The following PEPD variants were observed in gnomAD, a reference collection of about 807,000 sequenced individuals.
PEPD encodes xaa-Pro dipeptidase.
Under a neutral mutation model 60.7 loss-of-function variants are expected in PEPD, and 53 were observed. That is an observed-to-expected ratio of 0.87 (90% CI 0.70 to 1.10). The LOEUF (loss-of-function observed/expected upper bound fraction) is 1.10, where lower values mean the gene tolerates loss of function less well. Ranked by LOEUF, PEPD falls within the 50% of genes least tolerant of loss-of-function variation. PEPD has a pLI of 0.00. For synonymous variants in PEPD, 267 were observed against 284.1 expected, an observed-to-expected ratio of 0.94 and a Z score of 0.60; for missense variants, 711 against 711.9, an observed-to-expected ratio of 1.00 and a Z score of 0.01.
intron 6 of PEPD, among the ~76,000 whole-genome samples, chr19:33,483,954 T>C (rs191184786): frequency 6.6e-6 from 1 of 152,216 alleles, no homozygotes; most frequent in East Asian, 1.9e-4. Flanking sequence ...GTTAATGGTG[T>C]TGAAAACACC....
chr19:33,508,308 G>T (rs979225882), intron 3 of PEPD, among the ~76,000 whole-genome samples: 1 of 152,216 alleles, frequency 6.6e-6, no homozygotes, highest in Non-Finnish European at 1.5e-5. Context: ...GTCCTGAGTC[G>T]TGCCCCTTGC....
chr19:33,504,601 T>C (rs1306525157), intron 3 of PEPD, among the ~76,000 whole-genome samples: 1 of 151,882 alleles, frequency 6.6e-6, no homozygotes, highest in Non-Finnish European at 1.5e-5. Flanking sequence ...CTATCTCTAC[T>C]AAAAATACAA....
intron 7 of PEPD, among the ~76,000 whole-genome samples, chr19:33,471,983 G>C (rs1970128659): frequency 6.6e-6 from 1 of 152,130 alleles, no homozygotes; most frequent in Admixed American, 6.5e-5. Context: ...CCAACATGCA[G>C]GAACCCCGTC....
chr19:33,477,013 C>A (rs901375058), intron 7 of PEPD: 23 of 152,236 alleles, frequency 1.5e-4, no homozygotes, highest in African/African-American at 5.3e-4. Flanking sequence ...CCTGCTTAAA[C>A]CCTTCAAGGG....
chr19:33,489,313 G>A (rs1273054912), intron 6 of PEPD, among the ~76,000 whole-genome samples: 1 of 152,164 alleles, frequency 6.6e-6, no homozygotes, highest in African/African-American at 2.4e-5. Flanking sequence ...CGGGTTGGAA[G>A]GGGTTAATGG....
intron 12 of PEPD, among the ~76,000 whole-genome samples, chr19:33,396,348 A>G (rs1471941443): frequency 6.6e-6 from 1 of 152,134 alleles, no homozygotes; most frequent in Non-Finnish European, 1.5e-5. Context: ...CACAGGAGAC[A>G]CATGCCAGGT....
chr19:33,505,787 C>T (rs554823796), intron 3 of PEPD, among the ~76,000 whole-genome samples: 1 of 148,178 alleles, frequency 6.7e-6, no homozygotes, highest in African/African-American at 2.5e-5. Context: ...CACACCCACA[C>T]ACCCACATAC....
chr19:33,505,574 G>A (rs1357266062), intron 3 of PEPD, among the ~76,000 whole-genome samples: 1 of 151,958 alleles, frequency 6.6e-6, no homozygotes, highest in Non-Finnish European at 1.5e-5. Context: ...ATCACAAGGA[G>A]CGTGGGAGGG....
intron 9 of PEPD, among the ~76,000 whole-genome samples, chr19:33,439,342 C>T (rs949268897): frequency 4.6e-5 from 7 of 152,206 alleles, no homozygotes; most frequent in African/African-American, 1.7e-4. Flanking sequence ...TGTTGGTGGC[C>T]CTGACTTCTG....
intron 9 of PEPD, among the ~76,000 whole-genome samples, chr19:33,436,593 G>T (rs1312176164): frequency 6.6e-6 from 1 of 152,250 alleles, no homozygotes; most frequent in Non-Finnish European, 1.5e-5. Context: ...CTGCCAGGAA[G>T]GTCCTCTCAC....
chr19:33,445,681 T>A (rs1425218183), intron 9 of PEPD, among the ~76,000 whole-genome samples: 1 of 152,138 alleles, frequency 6.6e-6, no homozygotes, highest in East Asian at 1.9e-4. Context: ...GGCTGTGGTC[T>A]TTTGTGGGGC....
chr19:33,397,080 C>T (rs1350999192), intron 12 of PEPD, among the ~76,000 whole-genome samples: 3 of 152,092 alleles, frequency 2.0e-5, no homozygotes, highest in Middle Eastern at 3.2e-3. Flanking sequence ...TGGCACTCCC[C>T]GAGGTCCTGC....
chr19:33,415,199 A>C (rs1345622228), intron 9 of PEPD, among the ~76,000 whole-genome samples: 1 of 152,208 alleles, frequency 6.6e-6, no homozygotes, highest in Non-Finnish European at 1.5e-5. Flanking sequence ...CTGCACCAAC[A>C]GAAGCGAACC....
chr19:33,475,252 T>C (rs939661660), intron 7 of PEPD, among the ~76,000 whole-genome samples: 2 of 148,954 alleles, frequency 1.3e-5, no homozygotes, highest in African/African-American at 5.0e-5. Flanking sequence ...AGAGAGAGGG[T>C]GGTGAAGGCA....
At chr19:33,388,389 G>A (rs145517234) in intron 13 of PEPD, 164 of 571,730 alleles carry the variant, frequency 2.9e-4, no homozygotes, top group African/African-American at 2.4e-3. Flanking sequence ...GGGGCTGGCT[G>A]AGGGTTGGGC....
At chr19:33,484,553 G>A (rs1253635491) in intron 6 of PEPD, among the ~76,000 whole-genome samples, 2 of 152,120 alleles carry the variant, frequency 1.3e-5, no homozygotes, top group South Asian at 2.1e-4. Context: ...AGACCCCACT[G>A]TATATGCACA....
intron 9 of PEPD, among the ~76,000 whole-genome samples, chr19:33,445,418 A>G (rs1282146792): frequency 6.6e-6 from 1 of 152,226 alleles, no homozygotes; most frequent in Non-Finnish European, 1.5e-5. Context: ...TAAACAGGTG[A>G]TTAGGCTAAA....
chr19:33,436,424 A>G (rs1022727334), intron 9 of PEPD, among the ~76,000 whole-genome samples: 3 of 152,102 alleles, frequency 2.0e-5, no homozygotes, highest in Non-Finnish European at 4.4e-5. Context: ...CTGCCTCATC[A>G]TGATGGGCCT....
At chr19:33,438,939 C>T (rs1361003110) in intron 9 of PEPD, among the ~76,000 whole-genome samples, 1 of 152,186 alleles carries the variant, frequency 6.6e-6, no homozygotes, top group Admixed American at 6.5e-5. Flanking sequence ...AGGTTGGTCT[C>T]GAACTCCTAA....
Sources: allele counts gnomAD v4.1 joint callset (sites outside exome capture counted in the v4.1 genomes callset), GRCh38; gene constraint gnomAD v4.1.1; transcripts MANE v1.5; gene names NCBI Gene and HGNC (gene_info 2026-07-23, HGNC 2026-07-21).